The following MSANTD5 variants were observed in gnomAD, a reference collection of about 807,000 sequenced individuals.
MSANTD5 encodes the protein Myb/SANT DNA binding domain containing 5.
chr5:178,703,753 C>T, the MSANTD5 span, among the ~76,000 whole-genome samples: 1 of 151,934 alleles, frequency 6.6e-6, no homozygotes, highest in Non-Finnish European at 1.5e-5. Flanking sequence ...GAGGCTGAGG[C>T]AGGTGGATCA....
chr5:178,697,265 T>G (rs113520342), intron 1 of MSANTD5, among the ~76,000 whole-genome samples: 3,110 of 150,984 alleles, frequency 0.021, 110 homozygotes, highest in African/African-American at 0.072. Flanking sequence ...CCATCCTGGC[T>G]AACACGGTGA....
chr5:178,704,360 T>C, the MSANTD5 span, among the ~76,000 whole-genome samples: 3 of 152,110 alleles, frequency 2.0e-5, no homozygotes, highest in Non-Finnish European at 4.4e-5. Context: ...CCCTCCTGCA[T>C]AGGATTAGGA....
chr5:178,697,408 C>T (rs537338678), intron 1 of MSANTD5, among the ~76,000 whole-genome samples, 178 bp downstream of exon 1: 7 of 152,266 alleles, frequency 4.6e-5, no homozygotes, highest in South Asian at 2.1e-4. Context: ...GAGCCGGGAT[C>T]GCGCCCCTGC....
At chr5:178,701,059 T>C (rs528899285), upstream of MSANTD5, among the ~76,000 whole-genome samples, 27 of 152,176 alleles carry the variant, frequency 1.8e-4, no homozygotes, top group Middle Eastern at 0.01. Flanking sequence ...CTGCAAGCTC[T>C]GCCTCCCAGG....
At chr5:178,705,293 G>A in the MSANTD5 span, among the ~76,000 whole-genome samples, 11 of 152,002 alleles carry the variant, frequency 7.2e-5, no homozygotes, top group South Asian at 2.1e-4. Context: ...TGATCTGCCC[G>A]CCTCGGTCTC....
At chr5:178,701,714 TTATATATTTATAAA>T (rs1314263512), upstream of MSANTD5, among the ~76,000 whole-genome samples, 1 of 147,482 alleles carries the variant, frequency 6.8e-6, no homozygotes, top group Non-Finnish European at 1.5e-5. Flanking sequence ...TATCTATATA[TTATATATTTATAAA>T]TATATATTTA....
chr5:178,703,778 C>G, the MSANTD5 span, among the ~76,000 whole-genome samples: 27 of 152,008 alleles, frequency 1.8e-4, no homozygotes, highest in African/African-American at 4.1e-4. Context: ...GTCAGGAGAT[C>G]GAGACCATTC....
At chr5:178,700,655 G>A (rs1188328835), upstream of MSANTD5, among the ~76,000 whole-genome samples, 4 of 150,720 alleles carry the variant, frequency 2.7e-5, no homozygotes, top group Non-Finnish European at 5.9e-5. Context: ...AGATTCCAGT[G>A]TGACCATCCA....
chr5:178,703,049 A>C, the MSANTD5 span, among the ~76,000 whole-genome samples: 1 of 152,174 alleles, frequency 6.6e-6, no homozygotes, highest in Non-Finnish European at 1.5e-5. Context: ...CACACGAGAG[A>C]GCACCCGAGA....
upstream of MSANTD5, among the ~76,000 whole-genome samples, chr5:178,701,578 A>ACGTG (rs1352111801): frequency 1.3e-5 from 2 of 151,106 alleles, no homozygotes; most frequent in Non-Finnish European, 2.9e-5. Context: ...AGGCTGAGGT[A>ACGTG]GGAGAATCTC....
downstream of MSANTD5, among the ~76,000 whole-genome samples, chr5:178,692,379 C>CA (rs60186176): frequency 0.011 from 1,322 of 118,576 alleles, 23 homozygotes; most frequent in African/African-American, 0.029. Flanking sequence ...GACTCCATCT[C>CA]AAAAAAAAAA....
At chr5:178,707,198 G>C in the MSANTD5 span, 1 of 152,128 alleles carries the variant, frequency 6.6e-6, no homozygotes, top group Non-Finnish European at 1.5e-5. Context: ...GAGAATTGAA[G>C]AATGAAGAAT....
At chr5:178,693,351 G>T (rs1765376129), downstream of MSANTD5, among the ~76,000 whole-genome samples, 1 of 152,056 alleles carries the variant, frequency 6.6e-6, no homozygotes, top group East Asian at 1.9e-4. Flanking sequence ...ATTCTTTCTG[G>T]TGGGTTCTTG....
chr5:178,697,372 T>C lies in MSANTD5; in HGVS notation c.6+214A>G, dbSNP rs13354477. 2.4e-3 allele frequency among the ~76,000 whole-genome samples: 372 copies of C among 151,872 alleles called. 1 individual carries two copies. Among genetic ancestry groups the C allele is most frequent in the African/African-American group, 8.4e-3 (344 of 41,184 alleles). ...GGGAGGCTGAGGCAGGAGAATGGCCTGAACCCGGGAGGCGGAGGTTGCAGT... is the reference window on the plus strand; with the variant it reads ...GGGAGGCTGAGGCAGGAGAATGGCCCGAACCCGGGAGGCGGAGGTTGCAGT... On this transcript the variant is annotated intron_variant, in intron 1 of 3. Transcript: ENST00000648368.
chr5:178,697,256 C>A (rs1175428793), intron 1 of MSANTD5, among the ~76,000 whole-genome samples: 1 of 149,722 alleles, frequency 6.7e-6, no homozygotes, highest in Non-Finnish European at 1.5e-5. Flanking sequence ...AGATCGAGAC[C>A]ATCCTGGCTA....
At chr5:178,706,324 T>C in the MSANTD5 span, among the ~76,000 whole-genome samples, 1 of 152,160 alleles carries the variant, frequency 6.6e-6, no homozygotes, top group Non-Finnish European at 1.5e-5. Context: ...TCTAGTATCC[T>C]TGCTTTCATC....
chr5:178,694,564 C>T (rs990858601), downstream of MSANTD5: 2 of 152,336 alleles, frequency 1.3e-5, no homozygotes, highest in Non-Finnish European at 2.9e-5. Flanking sequence ...GGGATGAGGT[C>T]ACGGTCATTC....
the MSANTD5 span, chr5:178,707,180 A>G: frequency 3.3e-5 from 5 of 152,190 alleles, no homozygotes; most frequent in African/African-American, 1.2e-4. Context: ...GTGCTAGAGA[A>G]TGAAAGAGAG....
chr5:178,702,101 A>T (rs966936871), upstream of MSANTD5, among the ~76,000 whole-genome samples: 3 of 151,424 alleles, frequency 2.0e-5, no homozygotes, highest in Non-Finnish European at 2.9e-5. Flanking sequence ...AAAAAATAAA[A>T]AAAGAAATGG....
Sources: allele counts gnomAD v4.1 joint callset (sites outside exome capture counted in the v4.1 genomes callset), GRCh38; gene constraint gnomAD v4.1.1; transcripts MANE v1.5; gene names NCBI Gene and HGNC (gene_info 2026-07-23, HGNC 2026-07-21).